ASIC2: variants seen among roughly 807,000 people sequenced by gnomAD.
ASIC2 encodes acid-sensing ion channel 2.
In ASIC2, 25 loss-of-function variants were observed where a neutral mutation model predicts 57.3. The observed-to-expected ratio is 0.44, with a 90% CI of 0.32 to 0.61. The LOEUF (loss-of-function observed/expected upper bound fraction) is 0.61, where lower values mean the gene tolerates loss of function less well. Ranked by LOEUF, ASIC2 falls within the 20% of genes least tolerant of loss-of-function variation. The pLI, the probability that ASIC2 is intolerant of heterozygous loss-of-function variation, is 0.06. For synonymous variants in ASIC2, 319 were observed against 307.5 expected, an observed-to-expected ratio of 1.04 and a Z score of -0.39; for missense variants, 641 against 738.1, an observed-to-expected ratio of 0.87 and a Z score of 1.52.
chr17:33,577,401 G>C (rs1214007523), intron 1 of ASIC2, among the ~76,000 whole-genome samples: 1 of 152,182 alleles, frequency 6.6e-6, no homozygotes. Context: ...GAGGTGTAAA[G>C]GAAGAGGAGC....
rs965184018 is a variant in ASIC2, at chr17:33,364,031, C to G, written c.556-251964G>C. On this transcript the variant is annotated intron_variant, in intron 1 of 9. Coordinates refer to the ASIC2 transcript ENST00000359872. ...GAAGTGATCACAGAGATCTTTCTGGCCCAATGCTCTTGTTTGATGTGTGGG... is the reference window on the plus strand; with the variant it reads ...GAAGTGATCACAGAGATCTTTCTGGGCCAATGCTCTTGTTTGATGTGTGGG... 1.3e-5 allele frequency among the ~76,000 whole-genome samples: 2 copies of G among 152,140 alleles called. 1 individual carries two copies.
chr17:33,712,572 G>A (rs955796405), intron 1 of ASIC2, among the ~76,000 whole-genome samples: 7 of 146,014 alleles, frequency 4.8e-5, no homozygotes, highest in African/African-American at 1.8e-4. Context: ...GGCTGGAACT[G>A]TAGTCATCTC....
chr17:33,625,881 G>A (rs1264015473), intron 1 of ASIC2, among the ~76,000 whole-genome samples: 1 of 152,194 alleles, frequency 6.6e-6, no homozygotes, highest in African/African-American at 2.4e-5. Context: ...ATTTGGAGGT[G>A]CAGGTGGAAA....
intron 1 of ASIC2, among the ~76,000 whole-genome samples, chr17:33,631,720 G>T (rs1204791422): frequency 6.6e-6 from 1 of 152,126 alleles, no homozygotes; most frequent in Non-Finnish European, 1.5e-5. Context: ...GTCAAAGTCT[G>T]AGAGTCCCAA....
intron 1 of ASIC2, among the ~76,000 whole-genome samples, chr17:33,683,426 C>T (rs1045341879): frequency 3.3e-5 from 5 of 152,182 alleles, no homozygotes; most frequent in Admixed American, 6.5e-5. Context: ...GGCTGGAGCA[C>T]AGTGGTGCAA....
At chr17:34,037,682 C>T in intron 1 of ASIC2, 2 of 1,614,064 alleles carry the variant, frequency 1.2e-6, no homozygotes, top group Non-Finnish European at 8.5e-7. Context: ...TCCAGCAGGG[C>T]TACTCGTAGA....
intron 1 of ASIC2, among the ~76,000 whole-genome samples, chr17:33,338,171 A>G (rs1907592994): frequency 1.3e-5 from 2 of 150,514 alleles, no homozygotes; most frequent in African/African-American, 4.9e-5. Context: ...AATGGCAAGG[A>G]GATGGAAATG....
At chr17:33,377,681 T>C (rs886162331) in intron 1 of ASIC2, among the ~76,000 whole-genome samples, 7 of 152,230 alleles carry the variant, frequency 4.6e-5, no homozygotes, top group Non-Finnish European at 1.0e-4. Context: ...CTGGATGACA[T>C]CACACCATTC....
intron 1 of ASIC2, among the ~76,000 whole-genome samples, chr17:34,034,268 T>A (rs991976226): frequency 2.0e-5 from 3 of 152,170 alleles, no homozygotes; most frequent in Non-Finnish European, 2.9e-5. Flanking sequence ...AACCACATGA[T>A]TATCTCAATA....
rs576340341 is a variant in ASIC2, at chr17:33,768,249, G to T, written c.555+387729C>A. Among the ~76,000 whole-genome samples, 66 of 151,854 alleles carry T rather than the reference G, an allele frequency of 4.3e-4. 1 individual carries two copies. Among genetic ancestry groups the T allele is most frequent in the African/African-American group, 1.4e-3 (58 of 41,374 alleles). On this transcript the variant is annotated intron_variant, in intron 1 of 9. Coordinates refer to the ASIC2 transcript ENST00000359872. ...TCTCGATCTCCTGACCTCGTGATTCGCCTGCCTCAGCCTCCCAAAGTGCTG... is the reference window on the plus strand; with the variant it reads ...TCTCGATCTCCTGACCTCGTGATTCTCCTGCCTCAGCCTCCCAAAGTGCTG...
chr17:33,427,041 G>T (rs1311197225), intron 1 of ASIC2, among the ~76,000 whole-genome samples: 1 of 152,174 alleles, frequency 6.6e-6, no homozygotes, highest in Non-Finnish European at 1.5e-5. Flanking sequence ...AGTTAAGCCT[G>T]CATGGCCAGA....
At chr17:33,482,553 C>T (rs1315636432) in intron 1 of ASIC2, among the ~76,000 whole-genome samples, 2 of 152,234 alleles carry the variant, frequency 1.3e-5, no homozygotes, top group Non-Finnish European at 1.5e-5. Context: ...TTCATTTTCT[C>T]ATCTGATTCT....
chr17:33,974,929 T>G (rs1001357695), intron 1 of ASIC2, among the ~76,000 whole-genome samples: 6 of 152,192 alleles, frequency 3.9e-5, no homozygotes, highest in African/African-American at 1.4e-4. Context: ...TTCTCCATAG[T>G]ACTTTATCAT....
intron 1 of ASIC2, among the ~76,000 whole-genome samples, chr17:33,172,985 A>G (rs965581065): frequency 6.6e-6 from 1 of 152,144 alleles, no homozygotes; most frequent in Non-Finnish European, 1.5e-5. Flanking sequence ...CCATGATCCC[A>G]TTCCTTAATC....
At chr17:33,936,043 A>G (rs945194376) in intron 1 of ASIC2, 4 of 152,286 alleles carry the variant, frequency 2.6e-5, no homozygotes, top group Non-Finnish European at 5.9e-5. Flanking sequence ...AAATGGGGAC[A>G]TGCAAGTCCC....
chr17:33,980,806 G>A (rs1905588056), intron 1 of ASIC2: 1 of 152,178 alleles, frequency 6.6e-6, no homozygotes. Context: ...CCTTTCCCCA[G>A]TCTGGAACAA....
intron 1 of ASIC2, among the ~76,000 whole-genome samples, chr17:33,421,718 A>G (rs1911051233): frequency 1.3e-5 from 2 of 152,240 alleles, no homozygotes; most frequent in Non-Finnish European, 2.9e-5. Context: ...AGAACAGGAC[A>G]GAGAATCCTC....
intron 1 of ASIC2, among the ~76,000 whole-genome samples, chr17:34,087,620 T>C (rs576160973): frequency 0.011 from 1,689 of 152,250 alleles, 20 homozygotes; most frequent in African/African-American, 0.039. Context: ...TCCTGGATAA[T>C]ATCCTGCAGA....
intron 1 of ASIC2, among the ~76,000 whole-genome samples, chr17:33,181,389 C>G (rs1323414287): frequency 6.6e-6 from 1 of 151,978 alleles, no homozygotes; most frequent in Non-Finnish European, 1.5e-5. Context: ...TTTCAGCAAC[C>G]CTAGTAATAA....
Sources: gnomAD v4.1 joint callset for allele counts (sites outside exome capture counted in the v4.1 genomes callset) on GRCh38, gnomAD v4.1.1 for gene constraint, MANE v1.5 for transcripts, NCBI Gene and HGNC (gene_info 2026-07-23, HGNC 2026-07-21) for gene names.